The following NBEAL2 variants were observed in gnomAD, a reference collection of about 807,000 sequenced individuals.
NBEAL2 encodes neurobeachin like 2.
In NBEAL2, 160 loss-of-function variants were observed where a neutral mutation model predicts 299.8. That is an observed-to-expected ratio of 0.53 (90% CI 0.47 to 0.61). The LOEUF is 0.61. Among genes scored for constraint, NBEAL2 ranks in the 20% least tolerant of loss-of-function variants. The probability of loss-of-function intolerance (pLI) is 0.00; values close to 1 mark genes in which losing one functional copy is unlikely to be tolerated. For synonymous variants in NBEAL2, 1,493 were observed against 1,542.3 expected (o/e 0.97, Z 0.75); for missense variants, 3,112 against 3,649.0 (o/e 0.85, Z 3.79).
rs903538358 is a variant in NBEAL2 at position 46,988,182 on chromosome 3, G to T, written c.52-487G>T. ...GTCTAATGGTACACGTGTGTCCTGG[G>T]ATCCACAGTTAAAGAAGGCTACTGA... On this transcript the variant is annotated intron_variant, in intron 1 of 53. Coordinates refer to ENST00000450053, the MANE Select transcript of NBEAL2 (RefSeq NM_015175.3). The surrounding 1 kb of genome is among the most constrained non-coding windows in gnomAD (Gnocchi z 4.4). 1.2e-6 allele frequency: 1 copy of T among 823,240 alleles called. No homozygotes were observed. Among genetic ancestry groups the T allele is most frequent in the Non-Finnish European group, 1.6e-6 (1 of 621,124 alleles). The allele number at this position is 823,240 out of a possible 1,614,324, so 51.0% of individuals were successfully genotyped here. A position where few individuals can be genotyped will look rare whatever the true frequency, so the allele number is the denominator to read the frequency against.
intron 22 of NBEAL2, 69 bp downstream of exon 22, chr3:46,998,634 G>A (rs958648948): frequency 4.7e-5 from 73 of 1,564,132 alleles, no homozygotes; most frequent in East Asian, 2.8e-4. Flanking sequence ...GGGACTGGGC[G>A]GTGCGCTTCC....
Position 47,001,244 on chromosome 3 carries a change from C to T in NBEAL2, c.4485-35C>T. On this transcript the variant is annotated intron_variant, in intron 28 of 53. Transcript: ENST00000450053. The surrounding 1 kb of genome is among the most constrained non-coding windows in gnomAD (Gnocchi z 6.1). The stretch of plus-strand genomic sequence containing the variant: ...CCTCGGGGGAAGGAGAGAAGATAGT[C>T]AGGTAGACCCTTGAGTTCCCCACTC... The T allele has an allele frequency of 1.3e-6, 2 of 1,598,542 alleles. No homozygotes were observed. Among genetic ancestry groups the T allele is most frequent in the Non-Finnish European group, 1.7e-6 (2 of 1,169,144 alleles).
Position 47,008,635 on chromosome 3 carries a change from C to T in NBEAL2, c.7994C>T (p.Ala2665Val), listed in dbSNP as rs758564775. The change falls in exon 52 of 54, where the codon GCC becomes GTC. Residue 2665 changes from alanine (A) to valine (V), a missense_variant. Physicochemically the swap from Ala to Val is moderately conservative, Grantham distance 64 (BLOSUM62 0). Coordinates refer to ENST00000450053, the MANE Select transcript of NBEAL2 (RefSeq NM_015175.3). ...GAGGACTTTGTGTTGCTGGGCACCG[C>T]CCAGTGCGCCCTGCACATCCTCCAA... ...VTEDFVLLGTAQCALHILQLN... is the reference protein window; with the variant it reads ...VTEDFVLLGTVQCALHILQLN... 6.8e-6 allele frequency: 11 copies of T among 1,613,324 alleles called. No homozygotes were observed. The South Asian group carries it at 1.2e-4, about 18-fold the overall frequency.
intron 22 of NBEAL2, 30 bp downstream of exon 22, chr3:46,998,595 G>A: frequency 1.3e-6 from 2 of 1,595,536 alleles, no homozygotes; most frequent in Non-Finnish European, 1.7e-6. Context: ...ATGGGCCATG[G>A]GGGGCTGACA....
Position 47,001,649 on chromosome 3 carries a change from C to G in NBEAL2, c.4645-40C>G, listed in dbSNP as rs375188826. On this transcript the variant is annotated intron_variant, in intron 29 of 53. Coordinates refer to ENST00000450053, the MANE Select transcript of NBEAL2 (RefSeq NM_015175.3). The surrounding 1 kb of genome is among the most constrained non-coding windows in gnomAD (Gnocchi z 6.1). ...CTCCCTTTCCATGGACTCCTGGCCT[C>G]CCCTGGTGATGTCTGTTGGGAACCT... The G allele has an allele frequency of 1.9e-6, 3 of 1,604,380 alleles. No individual in the cohort carries two copies. Among genetic ancestry groups the G allele is most frequent in the Non-Finnish European group, 2.6e-6 (3 of 1,172,644 alleles).
At chr3:47,002,825 T>G in intron 33 of NBEAL2, 23 bp downstream of exon 33, 1 of 1,106,664 alleles carries the variant, frequency 9.0e-7, no homozygotes, top group Non-Finnish European at 1.2e-6. Context: ...TGGGGCAGGG[T>G]CGCTGTGGAG....
In NBEAL2 at chr3:47,002,026, G is replaced by T; in HGVS notation, c.4889G>T (p.Gly1630Val). The T allele has an allele frequency of 6.4e-7, 1 of 1,571,742 alleles. No homozygotes were observed. The change falls in exon 31 of 54, where the codon GGG becomes GTG. Residue 1630 changes from glycine (G) to valine (V), a missense_variant. By Grantham distance (109) the Gly-to-Val change is moderately radical. Transcript: ENST00000450053. ...CTCTCCAAGCTGGAGGCTGCACTGGGGCGGGTGCTGAACACCTCTTCCTTG... is the reference window on the plus strand; with the variant it reads ...CTCTCCAAGCTGGAGGCTGCACTGGTGCGGGTGCTGAACACCTCTTCCTTG... ...YVLSKLEAAL[G>V]RVLNTSSLES...
Position 47,005,060 on chromosome 3 carries a change from T to C in NBEAL2, c.6383T>C (p.Val2128Ala). The C allele has an allele frequency of 1.2e-6, 2 of 1,613,730 alleles. No homozygotes were observed. The highest frequency in any genetic ancestry group is 8.5e-7 in the Non-Finnish European group (1 of 1,179,844). The change falls in exon 39 of 54, where the codon GTG becomes GCG. Residue 2128 changes from valine (V) to alanine (A), a missense_variant. By Grantham distance (64) the Val-to-Ala change is moderately conservative (BLOSUM62 0). This residue lies in a region of NBEAL2 where 521 missense variants were observed against 729.6 expected (regional missense o/e 0.71). Transcript: ENST00000450053. Reference protein sequence around the residue: ...VFRDLSKPIGVVNPKHAQLVR... With the variant: ...VFRDLSKPIGAVNPKHAQLVR... The stretch of plus-strand genomic sequence containing the variant: ...CGGGACCTGTCTAAGCCCATCGGTG[T>C]GGTGAACCCCAAGCATGCCCAGCTC...
rs1268099250 is a variant in NBEAL2, at chr3:47,003,133, G to A, written c.5585-41G>A. 6.2e-7 allele frequency: 1 copy of A among 1,608,950 alleles called. No individual in the cohort carries two copies. Among genetic ancestry groups the A allele is most frequent in the South Asian group, 1.1e-5 (1 of 90,864 alleles). On this transcript the variant is annotated intron_variant, in intron 34 of 53. Coordinates refer to ENST00000450053, the MANE Select transcript of NBEAL2 (RefSeq NM_015175.3). The surrounding 1 kb of genome is among the most constrained non-coding windows in gnomAD (Gnocchi z 7.0). ...ACCCAACTCGATTGTCCCGTCTCCT[G>A]TCCTGCCTTGCTTCTGCTGAGTACC...
Position 47,004,795 on chromosome 3 carries a change from C to T in NBEAL2, c.6295-177C>T. The stretch of plus-strand genomic sequence containing the variant: ...TCCCCTCCCTGCCTAGCCTCTATTC[C>T]TCAAAAGGAATCCTGTTCCAGGACA... On this transcript the variant is annotated intron_variant, in intron 38 of 53. Coordinates refer to ENST00000450053, the MANE Select transcript of NBEAL2 (RefSeq NM_015175.3). The surrounding 1 kb of genome is among the most constrained non-coding windows in gnomAD (Gnocchi z 5.0). 8.8e-7 allele frequency: 1 copy of T among 1,139,860 alleles called. No homozygotes were observed. 70.6% of individuals were successfully genotyped at this position (1,139,860 alleles called of 1,614,324 possible). A position where few individuals can be genotyped will look rare whatever the true frequency, so the allele number is the denominator to read the frequency against.
In NBEAL2 at chr3:47,009,536, A is replaced by C. The variant is rs2305640; in HGVS notation, c.*216A>C. The C allele has an allele frequency of 1.7e-6, 1 of 574,498 alleles. No homozygotes were observed. The highest frequency in any genetic ancestry group is 3.1e-6 in the Non-Finnish European group (1 of 326,518). The allele number at this position is 574,498 out of a possible 1,614,324, so 35.6% of individuals were successfully genotyped here. A position where few individuals can be genotyped will look rare whatever the true frequency, so the allele number is the denominator to read the frequency against. ...CGGCTGAGGGGCCGCCCTGAGGGCC[A>C]GCACTGGCGTCTGCGGCCGCAGCAG... is the stretch of plus-strand genomic sequence containing the variant. On this transcript the variant is annotated 3_prime_UTR_variant, in exon 54 of 54. Coordinates refer to ENST00000450053, the MANE Select transcript of NBEAL2 (RefSeq NM_015175.3).
chr3:46,992,790 C>T (rs1177185629), intron 10 of NBEAL2, among the ~76,000 whole-genome samples: 1 of 152,184 alleles, frequency 6.6e-6, no homozygotes, highest in African/African-American at 2.4e-5. Context: ...TCTGGCTGTG[C>T]CAAGCTGGAT....
intron 24 of NBEAL2, 70 bp downstream of exon 24, chr3:46,999,187 C>T (rs1237500920): frequency 1.9e-6 from 3 of 1,539,600 alleles, no homozygotes; most frequent in Non-Finnish European, 1.8e-6. Context: ...CAGGGAGGTA[C>T]AGCAGGCCTT....
At position 46,988,101 on chromosome 3, in the gene NBEAL2, G is replaced by T. The variant is rs1349964800; in HGVS notation, c.52-568G>T. 1.7e-6 allele frequency: 2 copies of T among 1,202,832 alleles called. No homozygotes were observed. Among genetic ancestry groups the T allele is most frequent in the Non-Finnish European group, 2.1e-6 (2 of 946,290 alleles). The allele number at this position is 1,202,832 out of a possible 1,614,324, so 74.5% of individuals were successfully genotyped here. ...AGGTAACCAGCAAGGGTGGGTGGAG[G>T]TTCCCGGGGCAAGGCAGGGCCGCAC... On this transcript the variant is annotated intron_variant, in intron 1 of 53. Transcript: ENST00000450053. The surrounding 1 kb of genome is among the most constrained non-coding windows in gnomAD (Gnocchi z 4.4).
At position 47,003,778 on chromosome 3, in the gene NBEAL2, C is replaced by A; in HGVS notation, c.5721-38C>A. 1.3e-6 allele frequency: 2 copies of A among 1,541,608 alleles called. No individual in the cohort carries two copies. Among genetic ancestry groups the A allele is most frequent in the Non-Finnish European group, 1.8e-6 (2 of 1,141,326 alleles). On this transcript the variant is annotated intron_variant, in intron 35 of 53. Coordinates refer to ENST00000450053, the MANE Select transcript of NBEAL2 (RefSeq NM_015175.3). The surrounding 1 kb of genome is among the most constrained non-coding windows in gnomAD (Gnocchi z 7.0). ...CTTTGGGCTTGTGAAGAAGGGGGTC[C>A]CAGAGCCTACAGCGTGAGGTGGGTT...
At chr3:47,005,414 T>C (rs535149550) in intron 40 of NBEAL2, 75 bp from the exon 41 acceptor site, 6 of 1,576,670 alleles carry the variant, frequency 3.8e-6, no homozygotes, top group Admixed American at 3.5e-5. Context: ...GGCTCCCTTC[T>C]TCCCTCCAGC....
In NBEAL2 at chr3:47,003,292, G is replaced by A. The variant is rs374896959; in HGVS notation, c.5703G>A (p.Leu1901=). The change falls in exon 35 of 54, where the codon CTG becomes CTA. Residue 1901 remains leucine, a synonymous_variant. Transcript: ENST00000450053. This position sits in a 1 kb window ranked among gnomAD's most constrained non-coding sequence, Gnocchi z 7.0. The part of the protein sequence containing the change: ...LQEDQLGEDE[L]AELETPMEAA... ...AGGACCAGCTCGGCGAGGACGAGCT[G>A]GCTGAGCTGGAGACCCCGTGAGTGG... 3.1e-6 allele frequency: 5 copies of A among 1,612,670 alleles called. No individual in the cohort carries two copies. The highest frequency in any genetic ancestry group is 4.2e-6 in the Non-Finnish European group (5 of 1,179,800).
chr3:47,001,956 C>T lies in NBEAL2; in HGVS notation c.4819C>T (p.Leu1607=), dbSNP rs761728498. The T allele has an allele frequency of 2.7e-5, 43 of 1,608,642 alleles. No homozygotes were observed. The highest frequency in any genetic ancestry group is 3.3e-5 in the Admixed American group (2 of 59,838). The change falls in exon 31 of 54, where the codon CTA becomes TTA. Residue 1607 remains leucine (L), a synonymous_variant. Coordinates refer to ENST00000450053, the MANE Select transcript of NBEAL2 (RefSeq NM_015175.3). The surrounding 1 kb of genome is among the most constrained non-coding windows in gnomAD (Gnocchi z 6.1). ...AQAYVRLHML[L]QTAVPARREE... ...GGCCTACGTGAGATTGCACATGCTGCTACAGACTGCAGTGCCAGCCCGCCG... is the reference window on the plus strand; with the variant it reads ...GGCCTACGTGAGATTGCACATGCTGTTACAGACTGCAGTGCCAGCCCGCCG...
At position 47,007,257 on chromosome 3, in the gene NBEAL2, G is replaced by T; in HGVS notation, c.7241G>T (p.Ser2414Ile). The change falls in exon 47 of 54, where the codon AGT (serine) becomes ATT (isoleucine). Residue 2414 changes from serine to isoleucine, a missense_variant. By Grantham distance (142) the Ser-to-Ile change is moderately radical. This residue lies in a region of NBEAL2 where 521 missense variants were observed against 729.6 expected (regional missense o/e 0.71). Coordinates refer to ENST00000450053, the MANE Select transcript of NBEAL2 (RefSeq NM_015175.3). ...TGCCTGCAGGTGACTGTGAGTGCCA[G>T]TGGGCTGCTGGGCACCCACAGCTGG... ...SPDLLVTVSA[S>I]GLLGTHSWLP... 6.2e-7 allele frequency: 1 copy of T among 1,612,496 alleles called. No homozygotes were observed. Among genetic ancestry groups the T allele is most frequent in the Non-Finnish European group, 8.5e-7 (1 of 1,179,322 alleles).
Sources: allele counts gnomAD v4.1 joint callset (sites outside exome capture counted in the v4.1 genomes callset), GRCh38; gene constraint gnomAD v4.1.1; regional missense constraint gnomAD v4.1.1; non-coding constraint Gnocchi (gnomAD v3.1); transcripts MANE v1.5; gene names NCBI Gene and HGNC (gene_info 2026-07-23, HGNC 2026-07-21).